The following OLFM3 variants were observed in gnomAD, a reference collection of about 807,000 sequenced individuals.
The protein encoded by OLFM3 is noelin-3.
A neutral mutation model predicts 48.6 loss-of-function variants in OLFM3; 20 were observed. The observed-to-expected ratio is 0.41, with a 90% confidence interval of 0.29 to 0.60. The LOEUF is 0.60. OLFM3 is among the 20% of genes least tolerant of loss of function. The pLI, the probability that OLFM3 is intolerant of heterozygous loss-of-function variation, is 0.28. For synonymous variants in OLFM3, 222 were observed against 198.1 expected (o/e 1.12, Z -1.01); for missense variants, 437 against 544.3 (o/e 0.80, Z 1.96).
chr1:101,840,281 C>A (rs567525116), intron 1 of OLFM3, among the ~76,000 whole-genome samples: 1 of 152,000 alleles, frequency 6.6e-6, no homozygotes, highest in African/African-American at 2.4e-5. Flanking sequence ...CTATTGCTTT[C>A]GAATATTATA....
intron 1 of OLFM3, among the ~76,000 whole-genome samples, chr1:101,880,611 C>T (rs138063511): frequency 0.044 from 6,606 of 151,716 alleles, 304 homozygotes; most frequent in East Asian, 0.21. Context: ...ATAAATTTGT[C>T]ATAACTCAGT....
chr1:101,969,608 A>G (rs1167604954), intron 1 of OLFM3, among the ~76,000 whole-genome samples: 1 of 152,226 alleles, frequency 6.6e-6, no homozygotes, highest in Non-Finnish European at 1.5e-5. Flanking sequence ...CTTTAATAAT[A>G]TGTAACCAAC....
chr1:101,910,290 C>A (rs1334944981), intron 1 of OLFM3: 1 of 193,358 alleles, frequency 5.2e-6, no homozygotes. Context: ...CACGCTGAAA[C>A]CCCGTCTCCA....
At chr1:101,812,365 T>G (rs1239263642) in intron 4 of OLFM3, 2 of 916,358 alleles carry the variant, frequency 2.2e-6, no homozygotes, top group Non-Finnish European at 2.6e-6. Flanking sequence ...AACTTCAAAG[T>G]GAAGTTTGAT....
chr1:101,840,193 T>C (rs551173313), intron 1 of OLFM3, among the ~76,000 whole-genome samples: 1 of 152,306 alleles, frequency 6.6e-6, no homozygotes, highest in East Asian at 1.9e-4. Flanking sequence ...AGAACAATTA[T>C]TTAGGTGTCA....
intron 1 of OLFM3, among the ~76,000 whole-genome samples, chr1:101,982,619 TG>T (rs1477002390): frequency 6.6e-6 from 1 of 152,184 alleles, no homozygotes; most frequent in Non-Finnish European, 1.5e-5. Flanking sequence ...CTAATGTGTG[TG>T]GGCCTCTTCC....
chr1:101,804,697 T>A lies in OLFM3; in HGVS notation c.918A>T (p.Arg306=). The change falls in exon 6 of 6, where the codon CGA becomes CGT. Residue 306 remains arginine (R), a synonymous_variant. Coordinates refer to ENST00000370103, the MANE Select transcript of OLFM3 (RefSeq NM_058170.4). The surrounding 1 kb of genome is among the most constrained non-coding windows in gnomAD (Gnocchi z 4.5). The part of the protein sequence containing the change: ...SFDMGRVLAQ[R]SLEYAGFHNV... ...TATGAAAACCAGCATACTCCAGGCT[T>A]CGTTGGGCAAGCACTCTCCCCATAT... is the stretch of plus-strand genomic sequence containing the variant. The A allele has an allele frequency of 1.2e-6, 2 of 1,612,650 alleles. No individual in the cohort carries two copies. The highest frequency in any genetic ancestry group is 1.3e-5 in the African/African-American group (1 of 74,878).
At chr1:101,951,145 C>T (rs1660134687) in intron 1 of OLFM3, among the ~76,000 whole-genome samples, 1 of 152,126 alleles carries the variant, frequency 6.6e-6, no homozygotes, top group Non-Finnish European at 1.5e-5. Flanking sequence ...TTGAATTTTC[C>T]TATTCTAATT....
intron 1 of OLFM3, among the ~76,000 whole-genome samples, chr1:101,870,451 C>A (rs1657034829): frequency 6.6e-6 from 1 of 152,146 alleles, no homozygotes; most frequent in South Asian, 2.1e-4. Flanking sequence ...TAGCTAAAGA[C>A]AACACAGTTG....
At chr1:101,993,330 T>C (rs1661468029) in intron 1 of OLFM3, among the ~76,000 whole-genome samples, 1 of 152,148 alleles carries the variant, frequency 6.6e-6, no homozygotes, top group Non-Finnish European at 1.5e-5. Context: ...AAGTCCACTC[T>C]TCTACCATCA....
Position 101,864,837 on chromosome 1 carries a change from T to C in OLFM3, c.70-27812A>G, listed in dbSNP as rs558202474. Among the ~76,000 whole-genome samples, 341 of 152,286 alleles carry C rather than the reference T, an allele frequency of 2.2e-3. 5 individuals carry two copies. The highest frequency in any genetic ancestry group is 3.0e-3 in the Non-Finnish European group (205 of 68,028). ...ACCAGTGCCAATATGTCTCACTGAA[T>C]GTGAAAAGTTAATGGCTGAAAAGAT... On this transcript the variant is annotated intron_variant, in intron 1 of 5. Transcript: ENST00000370103.
At chr1:101,879,371 T>C (rs1318540821) in intron 1 of OLFM3, among the ~76,000 whole-genome samples, 1 of 151,918 alleles carries the variant, frequency 6.6e-6, no homozygotes, top group Non-Finnish European at 1.5e-5. Flanking sequence ...TGAGAAATTA[T>C]TCCTTACAAT....
At chr1:101,990,459 T>C (rs1462107085) in intron 1 of OLFM3, among the ~76,000 whole-genome samples, 1 of 152,188 alleles carries the variant, frequency 6.6e-6, no homozygotes, top group East Asian at 1.9e-4. Flanking sequence ...AAATATGTTT[T>C]CACATGTATT....
intron 3 of OLFM3, among the ~76,000 whole-genome samples, 155 bp from the exon 4 acceptor site, chr1:101,825,400 G>T (rs527408481): frequency 2.0e-5 from 3 of 152,064 alleles, no homozygotes; most frequent in African/African-American, 7.2e-5. Context: ...AAATTTAAGC[G>T]GTCATGTGAT....
At chr1:101,983,207 C>T (rs1466270052) in intron 1 of OLFM3, among the ~76,000 whole-genome samples, 1 of 152,228 alleles carries the variant, frequency 6.6e-6, no homozygotes, top group East Asian at 1.9e-4. Flanking sequence ...AAAAGCTCTT[C>T]AGTAGCTCTT....
At chr1:101,985,602 C>T (rs1032531449) in intron 1 of OLFM3, among the ~76,000 whole-genome samples, 3 of 152,150 alleles carry the variant, frequency 2.0e-5, no homozygotes, top group African/African-American at 7.2e-5. Context: ...TAGAGGTTCT[C>T]TCTATTTTCT....
In OLFM3 at chr1:101,823,289, C is replaced by G. The variant is rs181868970; in HGVS notation, c.592+1737G>C. Among the ~76,000 whole-genome samples, 31 of 152,092 alleles carry G rather than the reference C, an allele frequency of 2.0e-4. 1 individual carries two copies. Among genetic ancestry groups the G allele is most frequent in the Admixed American group, 2.0e-3 (30 of 15,244 alleles). ...GTGAAATATCAGGATTTGGAAGTGC[C>G]TAGCGAGGACACCAGCTTAGTCTGG... On this transcript the variant is annotated intron_variant, in intron 4 of 5. Coordinates refer to ENST00000370103, the MANE Select transcript of OLFM3 (RefSeq NM_058170.4).
At chr1:101,904,313 T>C (rs182181949) in intron 1 of OLFM3, among the ~76,000 whole-genome samples, 1 of 152,196 alleles carries the variant, frequency 6.6e-6, no homozygotes, top group East Asian at 1.9e-4. Flanking sequence ...ACTAATCATG[T>C]CAGGCAGGAG....
At chr1:101,819,496 C>T (rs942972506) in intron 4 of OLFM3, among the ~76,000 whole-genome samples, 2 of 152,006 alleles carry the variant, frequency 1.3e-5, no homozygotes, top group African/African-American at 4.8e-5. Flanking sequence ...GTTGAAAAAT[C>T]ATGAATGACA....
Sources: gnomAD v4.1 joint callset for allele counts (sites outside exome capture counted in the v4.1 genomes callset) on GRCh38, gnomAD v4.1.1 for gene constraint, Gnocchi (gnomAD v3.1) non-coding constraint, MANE v1.5 for transcripts, NCBI Gene and HGNC (gene_info 2026-07-23, HGNC 2026-07-21) for gene names.